RAPGEF1: variants seen among roughly 807,000 people sequenced by gnomAD.
RAPGEF1 encodes the protein CRK SH3-binding GNRP.
Under a neutral mutation model 143.3 loss-of-function variants are expected in RAPGEF1, and 33 were observed. The ratio of observed to expected loss-of-function variants is 0.23; its 90% CI spans 0.17 to 0.31. The LOEUF (loss-of-function observed/expected upper bound fraction) is 0.31, where lower values mean the gene tolerates loss of function less well. RAPGEF1 is among the 10% of genes least tolerant of loss of function. The probability of loss-of-function intolerance (pLI) is 1.00; values close to 1 mark genes in which losing one functional copy is unlikely to be tolerated. For missense variants in RAPGEF1, 1,199 were observed against 1,645.4 expected, an observed-to-expected ratio of 0.73 and a Z score of 4.69; for synonymous variants, 629 against 676.5, an observed-to-expected ratio of 0.93 and a Z score of 1.09.
At chr9:131,684,072 C>T (rs138059933) in intron 1 of RAPGEF1, among the ~76,000 whole-genome samples, 3,444 of 152,344 alleles carry the variant, frequency 0.023, 150 homozygotes, top group African/African-American at 0.078. Flanking sequence ...TGGTCTCAAA[C>T]GCAGATACAG....
chr9:131,635,359 G>T (rs1033754457), intron 5 of RAPGEF1, among the ~76,000 whole-genome samples: 1 of 151,440 alleles, frequency 6.6e-6, no homozygotes, highest in Non-Finnish European at 1.5e-5. Context: ...ATGCTACCAT[G>T]CATTCAGGGA....
chr9:131,653,450 T>C (rs1191972366), intron 1 of RAPGEF1, among the ~76,000 whole-genome samples: 1 of 152,354 alleles, frequency 6.6e-6, no homozygotes, highest in East Asian at 1.9e-4. Flanking sequence ...ACAAAATTCT[T>C]ACAGCTCTAG....
chr9:131,625,837 G>T, intron 10 of RAPGEF1, 85 bp downstream of exon 10: 1 of 1,469,628 alleles, frequency 6.8e-7, no homozygotes, highest in South Asian at 1.4e-5. Context: ...CCACTGATTT[G>T]ATTCTGGTCT....
At chr9:131,617,564 G>C (rs949871901) in intron 12 of RAPGEF1, among the ~76,000 whole-genome samples, 1 of 152,186 alleles carries the variant, frequency 6.6e-6, no homozygotes, top group Non-Finnish European at 1.5e-5. Context: ...CATTTACAGA[G>C]GGGGAAAAAA....
rs780391951 is a variant in RAPGEF1 at position 131,650,800 on chromosome 9, G to A, written c.201+10C>T. Reference sequence around the variant, plus strand: ...GGTGAGGCCAGGAGAAACATCCAGAGTCAGCTTACTTTGTTCACAGGCTTC... The same window carrying A: ...GGTGAGGCCAGGAGAAACATCCAGAATCAGCTTACTTTGTTCACAGGCTTC... On this transcript the variant is annotated intron_variant, in intron 2 of 26. Coordinates refer to ENST00000683357, the MANE Select transcript of RAPGEF1 (RefSeq NM_001377935.1). This position sits in a 1 kb window ranked among gnomAD's most constrained non-coding sequence, Gnocchi z 4.7. The A allele has an allele frequency of 6.2e-7, 1 of 1,613,260 alleles. No individual in the cohort carries two copies. Among genetic ancestry groups the A allele is most frequent in the Admixed American group, 1.7e-5 (1 of 59,868 alleles).
At chr9:131,670,421 C>G (rs975516008) in intron 1 of RAPGEF1, among the ~76,000 whole-genome samples, 4 of 152,170 alleles carry the variant, frequency 2.6e-5, no homozygotes, top group Non-Finnish European at 5.9e-5. Flanking sequence ...TCCTCTTCCC[C>G]CTTTTGAAGC....
At chr9:131,617,779 G>A (rs1454628222) in intron 12 of RAPGEF1, among the ~76,000 whole-genome samples, 1 of 152,232 alleles carries the variant, frequency 6.6e-6, no homozygotes, top group East Asian at 1.9e-4. Context: ...GAAAGACGCT[G>A]AAGCATCTTT....
chr9:131,634,748 T>C (rs1588636720), intron 5 of RAPGEF1, among the ~76,000 whole-genome samples: 1 of 128,912 alleles, frequency 7.8e-6, no homozygotes, highest in Admixed American at 7.9e-5. Context: ...AAGAAAATGA[T>C]CACAGAGAAG....
chr9:131,596,902 T>C (rs1186888210), intron 16 of RAPGEF1, among the ~76,000 whole-genome samples: 1 of 152,234 alleles, frequency 6.6e-6, no homozygotes, highest in African/African-American at 2.4e-5. Context: ...CACAAGGTTC[T>C]TCTGTGGGGC....
chr9:131,638,839 A>C (rs1327733495), intron 4 of RAPGEF1, 48 bp from the exon 5 acceptor site: 3 of 1,566,860 alleles, frequency 1.9e-6, no homozygotes, highest in Non-Finnish European at 2.6e-6. Context: ...AAGCATGACC[A>C]TCACTTAGCA....
chr9:131,721,729 T>C (rs1836280069), intron 1 of RAPGEF1, among the ~76,000 whole-genome samples: 1 of 152,196 alleles, frequency 6.6e-6, no homozygotes, highest in Admixed American at 6.5e-5. Flanking sequence ...TGGATGGTTG[T>C]GTCTGTAACT....
intron 10 of RAPGEF1, among the ~76,000 whole-genome samples, chr9:131,624,588 T>C (rs1962359697): frequency 6.6e-6 from 1 of 152,112 alleles, no homozygotes; most frequent in Non-Finnish European, 1.5e-5. Context: ...TCCTGCCCAG[T>C]GTCTGAGCTC....
intron 12 of RAPGEF1, among the ~76,000 whole-genome samples, chr9:131,610,400 T>C (rs1221529033): frequency 6.6e-6 from 1 of 152,212 alleles, no homozygotes; most frequent in Non-Finnish European, 1.5e-5. Flanking sequence ...AATTGTCAGC[T>C]CCACCAGTTA....
chr9:131,701,111 T>C (rs900767066), intron 1 of RAPGEF1, among the ~76,000 whole-genome samples: 7 of 152,248 alleles, frequency 4.6e-5, no homozygotes, highest in East Asian at 1.9e-4. Context: ...TGAAAAGTGA[T>C]TGGAAAAGTG....
At chr9:131,629,349 C>A (rs1964219433) in intron 6 of RAPGEF1, 95 bp from the exon 7 acceptor site, 2 of 1,288,254 alleles carry the variant, frequency 1.6e-6, no homozygotes, top group African/African-American at 3.0e-5. Context: ...CCAGGAAGAA[C>A]ACAGTGGGTG....
intron 12 of RAPGEF1, among the ~76,000 whole-genome samples, chr9:131,606,183 C>G (rs1588387985): frequency 6.6e-6 from 1 of 152,358 alleles, no homozygotes; most frequent in East Asian, 1.9e-4. Context: ...TGAGAAGTGA[C>G]AGCAAATCCC....
intron 1 of RAPGEF1, among the ~76,000 whole-genome samples, chr9:131,677,986 T>C (rs1415276778): frequency 6.6e-6 from 1 of 152,258 alleles, no homozygotes; most frequent in African/African-American, 2.4e-5. Context: ...CAAGCTCTTG[T>C]CTGCACTAGT....
At chr9:131,653,965 G>A (rs976084962) in intron 1 of RAPGEF1, among the ~76,000 whole-genome samples, 1 of 152,172 alleles carries the variant, frequency 6.6e-6, no homozygotes, top group Non-Finnish European at 1.5e-5. Flanking sequence ...AATTAAGTAC[G>A]GATCAGCTAC....
At position 131,586,309 on chromosome 9, in the gene RAPGEF1, AAC is replaced by A. The variant is rs574969723; in HGVS notation, c.3233+1425_3233+1426del. Among the ~76,000 whole-genome samples the A allele has an allele frequency of 4.5e-3, 207 of 45,504 alleles. 5 individuals carry two copies. In the East Asian group the frequency reaches 0.05, roughly 11 times the overall value. 29.9% of individuals were successfully genotyped at this position (45,504 alleles called of 152,430 possible). A position where few individuals can be genotyped will look rare whatever the true frequency, so the allele number is the denominator to read the frequency against. On this transcript the variant is annotated intron_variant, in intron 22 of 26. Coordinates refer to ENST00000683357, the MANE Select transcript of RAPGEF1 (RefSeq NM_001377935.1). ...ACCTGCAGAGCCAGACTCCGTCTCA[AAC>A]ACACACACACACACACACCTGCAGA...
Sources: gnomAD v4.1 joint callset for allele counts (sites outside exome capture counted in the v4.1 genomes callset) on GRCh38, gnomAD v4.1.1 for gene constraint, Gnocchi (gnomAD v3.1) non-coding constraint, MANE v1.5 for transcripts, NCBI Gene and HGNC (gene_info 2026-07-23, HGNC 2026-07-21) for gene names.